PRSS12: variants seen among roughly 807,000 people sequenced by gnomAD.
The protein encoded by PRSS12 is serine protease 12.
In PRSS12, 85 loss-of-function variants were observed where a neutral mutation model predicts 104.4. That is an observed-to-expected ratio of 0.81 (90% CI 0.68 to 0.98). PRSS12 has a LOEUF of 0.98. Ranked by LOEUF, PRSS12 falls within the 50% of genes least tolerant of loss-of-function variation. PRSS12 has a pLI of 0.00. For synonymous variants in PRSS12, 454 were observed against 425.2 expected, an observed-to-expected ratio of 1.07 and a Z score of -0.83; for missense variants, 1,141 against 1,139.2, an observed-to-expected ratio of 1.00 and a Z score of -0.02.
chr4:118,321,631 C>A (rs1387901915), intron 4 of PRSS12, among the ~76,000 whole-genome samples: 1 of 152,162 alleles, frequency 6.6e-6, no homozygotes, highest in Non-Finnish European at 1.5e-5. Context: ...TAAGGAATCC[C>A]CACGTACCCC....
At chr4:118,328,628 A>G (rs1723841978) in intron 4 of PRSS12, among the ~76,000 whole-genome samples, 1 of 152,138 alleles carries the variant, frequency 6.6e-6, no homozygotes, top group Non-Finnish European at 1.5e-5. Flanking sequence ...ATGAATTTCT[A>G]TTTTTATATT....
chr4:118,312,535 C>T (rs1743771728), intron 7 of PRSS12, among the ~76,000 whole-genome samples: 1 of 152,138 alleles, frequency 6.6e-6, no homozygotes, highest in Non-Finnish European at 1.5e-5. Flanking sequence ...CTGCTATCTA[C>T]TCTCAAGAGG....
intron 4 of PRSS12, among the ~76,000 whole-genome samples, chr4:118,326,382 CT>C (rs1723772073): frequency 6.6e-6 from 1 of 152,190 alleles, no homozygotes; most frequent in Admixed American, 6.5e-5. Context: ...TTCTTCCTCC[CT>C]GCAACCGAAT....
Position 118,331,711 on chromosome 4 carries a change from C to G in PRSS12, c.971+5G>C. ...TTAAGCAAAACAAGAGTAGTAAAAA[C>G]AAACCTGAGGCCCAGCTGCCTGCAG... is the stretch of plus-strand genomic sequence containing the variant. On this transcript the variant is annotated splice_donor_5th_base_variant and intron_variant, in intron 4 of 12. Coordinates refer to ENST00000296498, the MANE Select transcript of PRSS12 (RefSeq NM_003619.4). 1.2e-6 allele frequency: 2 copies of G among 1,614,046 alleles called. No individual in the cohort carries two copies. Among genetic ancestry groups the G allele is most frequent in the Non-Finnish European group, 1.7e-6 (2 of 1,179,982 alleles).
chr4:118,332,388 C>A (rs1220898516), intron 3 of PRSS12, among the ~76,000 whole-genome samples: 1 of 152,228 alleles, frequency 6.6e-6, no homozygotes, highest in African/African-American at 2.4e-5. Context: ...CTCAACAGAA[C>A]AATATTGAAA....
chr4:118,330,118 T>C lies in PRSS12; in HGVS notation c.971+1598A>G, dbSNP rs528198125. Among the ~76,000 whole-genome samples the C allele has an allele frequency of 3.3e-5, 5 of 152,302 alleles. No individual in the cohort carries two copies. The East Asian group carries it at 9.6e-4, about 29-fold the overall frequency. On this transcript the variant is annotated intron_variant, in intron 4 of 12. Transcript: ENST00000296498. ...ACAGGATCTGCTGTGTTTGTTCTTG[T>C]CCCACATGTGAACTATAAATTAGCA...
intron 3 of PRSS12, among the ~76,000 whole-genome samples, chr4:118,334,100 G>A (rs1162724372): frequency 6.6e-6 from 1 of 152,070 alleles, no homozygotes; most frequent in African/African-American, 2.4e-5. Context: ...CCCTTAAGGT[G>A]AACTCAATGT....
chr4:118,321,467 T>C (rs1723621566), intron 4 of PRSS12, among the ~76,000 whole-genome samples: 1 of 152,196 alleles, frequency 6.6e-6, no homozygotes, highest in Non-Finnish European at 1.5e-5. Context: ...TTCAACAAGC[T>C]GGGCTACCTT....
At chr4:118,312,944 T>C (rs1743787174) in intron 7 of PRSS12, 1 of 498,292 alleles carries the variant, frequency 2.0e-6, no homozygotes, top group South Asian at 2.2e-5. Context: ...CAGATACAGA[T>C]GATTGTAAAC....
intron 1 of PRSS12, among the ~76,000 whole-genome samples, chr4:118,345,383 G>A (rs1430688914): frequency 6.6e-6 from 1 of 152,110 alleles, no homozygotes; most frequent in East Asian, 1.9e-4. Flanking sequence ...AGATGCTAAA[G>A]GGGCAAAAAT....
rs551841802 is a variant in PRSS12 at position 118,314,519 on chromosome 4, C to T, written c.1293-1122G>A. ...TTCACGAAATACATTAGATTATCAT[C>T]TGTCCATAGCAACTACACAACAGAT... On this transcript the variant is annotated intron_variant, in intron 6 of 12. Transcript: ENST00000296498. 5.3e-5 allele frequency among the ~76,000 whole-genome samples: 8 copies of T among 152,202 alleles called. No individual in the cohort carries two copies. The East Asian group carries it at 1.3e-3, about 26-fold the overall frequency.
Position 118,316,305 on chromosome 4 carries a change from G to C in PRSS12, c.1169C>G (p.Ala390Gly), listed in dbSNP as rs1174506948. 1 of 1,613,924 alleles carries C rather than the reference G, an allele frequency of 6.2e-7. No individual in the cohort carries two copies. Among genetic ancestry groups the C allele is most frequent in the East Asian group, 2.2e-5 (1 of 44,864 alleles). Residue 390 changes from alanine (A) to glycine (G), a missense_variant, in exon 6 of 13, where the codon GCA becomes GGA. Physicochemically the swap from Ala to Gly is moderately conservative, Grantham distance 60. Coordinates refer to ENST00000296498, the MANE Select transcript of PRSS12 (RefSeq NM_003619.4). ...ACCCTCATGGCTGCCTTTCCCACCT[G>C]CAAGTCTGATGACCCCATCTGTGAT... ...TPLTDGVIRL[A>G]GGKGSHEGRL...
At chr4:118,316,808 C>T (rs117368893) in intron 5 of PRSS12, among the ~76,000 whole-genome samples, 1,745 of 122,698 alleles carry the variant, frequency 0.014, 35 homozygotes, top group East Asian at 0.096. Context: ...GGCAACAAAG[C>T]GAGACTCCGT....
chr4:118,295,149 T>C lies in PRSS12; in HGVS notation c.1917-88A>G, dbSNP rs925524885. 6.0e-6 allele frequency: 9 copies of C among 1,507,768 alleles called. No homozygotes were observed. In the African/African-American group the frequency reaches 1.2e-4, roughly 21 times the overall value. 93.4% of individuals were successfully genotyped at this position (1,507,768 alleles called of 1,614,324 possible). ...GGTTAAAGCAATGGCTTTAATAACTTTAATGCCTTGCAGGTGGGGGAAAAG... is the reference window on the plus strand; with the variant it reads ...GGTTAAAGCAATGGCTTTAATAACTCTAATGCCTTGCAGGTGGGGGAAAAG... On this transcript the variant is annotated intron_variant, in intron 10 of 12. Transcript: ENST00000296498.
In PRSS12 at chr4:118,316,294, C is replaced by T. The variant is rs878974991; in HGVS notation, c.1180G>A (p.Gly394Ser). The T allele has an allele frequency of 4.3e-6, 7 of 1,613,942 alleles. No individual in the cohort carries two copies. The Admixed American group carries it at 1.0e-4, about 23-fold the overall frequency. The change falls in exon 6 of 13, where the codon GGC (glycine) becomes AGC (serine). Residue 394 changes from glycine to serine, a missense_variant. Physicochemically the swap from Gly to Ser is moderately conservative, Grantham distance 56. Coordinates refer to ENST00000296498, the MANE Select transcript of PRSS12 (RefSeq NM_003619.4). ...ACCTCCAAGCGACCCTCATGGCTGC[C>T]TTTCCCACCTGCAAGTCTGATGACC... ...DGVIRLAGGK[G>S]SHEGRLEVYY... is the part of the protein sequence containing the mutation.
chr4:118,330,405 C>A (rs1723888097), intron 4 of PRSS12, among the ~76,000 whole-genome samples: 1 of 151,764 alleles, frequency 6.6e-6, no homozygotes, highest in African/African-American at 2.4e-5. Context: ...TAAATGACAC[C>A]AGAAGGAAAA....
intron 10 of PRSS12, among the ~76,000 whole-genome samples, chr4:118,295,436 A>G (rs1743232084): frequency 6.6e-6 from 1 of 152,224 alleles, no homozygotes; most frequent in African/African-American, 2.4e-5. Context: ...TACAAACAAA[A>G]AACTTAGATT....
Position 118,313,347 on chromosome 4 carries a change from A to G in PRSS12, c.1343T>C (p.Ile448Thr). The G allele has an allele frequency of 6.2e-7, 1 of 1,614,012 alleles. No homozygotes were observed. Among genetic ancestry groups the G allele is most frequent in the Non-Finnish European group, 8.5e-7 (1 of 1,179,964 alleles). Residue 448 changes from isoleucine to threonine, a missense_variant, in exon 7 of 13, where the codon ATA becomes ACA. Coordinates refer to ENST00000296498, the MANE Select transcript of PRSS12 (RefSeq NM_003619.4). ...ANHFEESTGP[I>T]WLDDVSCSGK... ...TGAGCAGCTGACGTCATCCAACCATATGGGCCCTGTGCTTTCTTCAAAATG... is the reference window on the plus strand; with the variant it reads ...TGAGCAGCTGACGTCATCCAACCATGTGGGCCCTGTGCTTTCTTCAAAATG...
At position 118,313,241 on chromosome 4, in the gene PRSS12, A is replaced by G. The variant is rs774173633; in HGVS notation, c.1449T>C (p.Ile483=). 7.4e-6 allele frequency: 12 copies of G among 1,614,052 alleles called. No individual in the cohort carries two copies. The South Asian group carries it at 1.2e-4, about 16-fold the overall frequency. ...GTCCCTCGCCGCCAGGGTAGCAGGC[A>G]ATGCTAACATCTTCGCGGTGGCTGC... is the stretch of plus-strand genomic sequence containing the variant. ...HDCSHREDVS[I]ACYPGGEGHR... is the part of the protein sequence containing the mutation. The change falls in exon 7 of 13, where the codon ATT becomes ATC. Residue 483 remains isoleucine (I), a synonymous_variant. Coordinates refer to ENST00000296498, the MANE Select transcript of PRSS12 (RefSeq NM_003619.4).
Sources: gnomAD v4.1 joint callset for allele counts (sites outside exome capture counted in the v4.1 genomes callset) on GRCh38, gnomAD v4.1.1 for gene constraint, MANE v1.5 for transcripts, NCBI Gene and HGNC (gene_info 2026-07-23, HGNC 2026-07-21) for gene names.